UBR3: variants seen among roughly 807,000 people sequenced by gnomAD.
UBR3 encodes the protein ubiquitin protein ligase E3 component n-recognin 3.
A neutral mutation model predicts 243.2 loss-of-function variants in UBR3; 85 were observed. The observed-to-expected ratio is 0.35, with a 90% confidence interval of 0.29 to 0.42. UBR3 has a LOEUF of 0.42. Among genes scored for constraint, UBR3 ranks in the 10% least tolerant of loss-of-function variants. The pLI is 1.00. For synonymous variants in UBR3, 748 were observed against 799.8 expected, an observed-to-expected ratio of 0.94 and a Z score of 1.09; for missense variants, 1,686 against 2,300.8, an observed-to-expected ratio of 0.73 and a Z score of 5.47.
chr2:170,028,923 C>T (rs1156527571), intron 30 of UBR3, among the ~76,000 whole-genome samples: 1 of 151,778 alleles, frequency 6.6e-6, no homozygotes, highest in Non-Finnish European at 1.5e-5. Context: ...ACATACTAGG[C>T]AAAGAAAGAA....
chr2:169,925,794 G>T (rs1326356505), intron 14 of UBR3, 47 bp downstream of exon 14: 4 of 1,448,196 alleles, frequency 2.8e-6, no homozygotes, highest in Admixed American at 2.6e-5. Context: ...TGTCTCATTT[G>T]TACCCAAGGG....
chr2:170,030,005 C>T (rs2090627818), intron 31 of UBR3, among the ~76,000 whole-genome samples: 1 of 152,046 alleles, frequency 6.6e-6, no homozygotes. Flanking sequence ...TATAAATTTT[C>T]AAAGTAAGGA....
chr2:169,875,665 C>T, intron 2 of UBR3, 126 bp from the exon 3 acceptor site: 1 of 976,406 alleles, frequency 1.0e-6, no homozygotes, highest in Non-Finnish European at 1.4e-6. Flanking sequence ...CTTGTATTGA[C>T]TTTTTTGATT....
rs1410618135 is a variant in UBR3 at position 170,080,032 on chromosome 2, T to TA, written c.5409+10dup. On this transcript the variant is annotated intron_variant, in intron 37 of 38. Coordinates refer to ENST00000272793, the MANE Select transcript of UBR3 (RefSeq NM_172070.4). Reference sequence around the variant, plus strand: ...ACTGTGAATGTGTACTGGTAAGCAATAGTAGATAATACAAAATTTATGAAA... The same window carrying TA: ...ACTGTGAATGTGTACTGGTAAGCAATAAGTAGATAATACAAAATTTATGAAA... The TA allele has an allele frequency of 1.2e-6, 2 of 1,600,280 alleles. No individual in the cohort carries two copies. Among genetic ancestry groups the TA allele is most frequent in the South Asian group, 2.3e-5 (2 of 88,074 alleles).
chr2:169,838,206 A>G (rs189756518), intron 1 of UBR3, among the ~76,000 whole-genome samples: 4 of 152,368 alleles, frequency 2.6e-5, no homozygotes, highest in Non-Finnish European at 5.9e-5. Context: ...AAATAGGGAA[A>G]AATGGAAACA....
chr2:169,902,108 T>C (rs1159524026), intron 8 of UBR3, among the ~76,000 whole-genome samples: 1 of 152,230 alleles, frequency 6.6e-6, no homozygotes, highest in Non-Finnish European at 1.5e-5. Context: ...ACTGTCTAAC[T>C]ATCTAAACAG....
chr2:169,925,075 A>G (rs1241460748), intron 13 of UBR3, among the ~76,000 whole-genome samples: 2 of 152,214 alleles, frequency 1.3e-5, no homozygotes, highest in Non-Finnish European at 2.9e-5. Context: ...TTTAGTTGAC[A>G]CTGGACATAA....
At chr2:170,065,935 C>T (rs2091557909) in intron 35 of UBR3, among the ~76,000 whole-genome samples, 1 of 150,650 alleles carries the variant, frequency 6.6e-6, no homozygotes, top group South Asian at 2.1e-4. Flanking sequence ...CCCTACCCCA[C>T]CCCCCGCAAA....
At chr2:169,940,705 G>A (rs969595547) in intron 19 of UBR3, among the ~76,000 whole-genome samples, 1 of 151,950 alleles carries the variant, frequency 6.6e-6, no homozygotes, top group African/African-American at 2.4e-5. Flanking sequence ...TAGATTTGTC[G>A]TTTTCTCTGT....
rs910753002 is a variant in UBR3 at position 169,877,496 on chromosome 2, C to G, written c.847C>G (p.Leu283Val). 1 of 1,526,130 alleles carries G rather than the reference C, an allele frequency of 6.6e-7. No homozygotes were observed. The highest frequency in any genetic ancestry group is 8.8e-7 in the Non-Finnish European group (1 of 1,141,206). 94.5% of individuals were successfully genotyped at this position (1,526,130 alleles called of 1,614,324 possible). A position where few individuals can be genotyped will look rare whatever the true frequency, so the allele number is the denominator to read the frequency against. The change falls in exon 4 of 39, where the codon CTT becomes GTT. Residue 283 changes from leucine to valine, a missense_variant and splice_region_variant. Leu to Val is a conservative substitution (Grantham distance 32). Coordinates refer to ENST00000272793, the MANE Select transcript of UBR3 (RefSeq NM_172070.4). ...QQNYKDLTSGLGENACVKKSH... is the reference protein window; with the variant it reads ...QQNYKDLTSGVGENACVKKSH... ...GATTTGAAGTTTGTTTTAATTAGGT[C>G]TTGGAGAAAATGCTTGTGTAAAGAA...
At chr2:170,028,265 C>T (rs1559199832) in intron 30 of UBR3, among the ~76,000 whole-genome samples, 1 of 151,790 alleles carries the variant, frequency 6.6e-6, no homozygotes. Context: ...CACATACACG[C>T]ATGTACACAT....
intron 17 of UBR3, among the ~76,000 whole-genome samples, chr2:169,928,267 CTT>C (rs1178674019): frequency 6.6e-6 from 1 of 152,000 alleles, no homozygotes; most frequent in Non-Finnish European, 1.5e-5. Context: ...TGGTTTGCCT[CTT>C]TGCTTATATT....
chr2:170,028,510 A>G (rs555436920), intron 30 of UBR3, among the ~76,000 whole-genome samples: 1 of 151,920 alleles, frequency 6.6e-6, no homozygotes, highest in South Asian at 2.1e-4. Flanking sequence ...TTTGTAAAAT[A>G]TGACTTTTGA....
intron 5 of UBR3, among the ~76,000 whole-genome samples, chr2:169,883,009 G>A (rs1296907483): frequency 6.6e-6 from 1 of 152,160 alleles, no homozygotes; most frequent in South Asian, 2.1e-4. Context: ...TTTCTATAAA[G>A]TGGATAAACC....
At position 170,017,918 on chromosome 2, in the gene UBR3, G is replaced by A. The variant is rs376945259; in HGVS notation, c.4453+2552G>A. Among the ~76,000 whole-genome samples the A allele has an allele frequency of 7.3e-4, 111 of 152,290 alleles. 1 individual carries two copies. The South Asian group carries it at 0.022, about 31-fold the overall frequency. On this transcript the variant is annotated intron_variant, in intron 30 of 38. Transcript: ENST00000272793. ...ATTATTTAATCTTTAGAACGACCAT[G>A]TGAAATAGGTGTTATCTCTTTTTCA...
intron 19 of UBR3, among the ~76,000 whole-genome samples, chr2:169,941,696 G>A (rs781380901): frequency 3.2e-4 from 49 of 152,182 alleles, no homozygotes; most frequent in Non-Finnish European, 5.3e-4. Flanking sequence ...TGTATGTGTA[G>A]GAAAACATAG....
chr2:169,883,457 C>T (rs1327058861), intron 5 of UBR3, among the ~76,000 whole-genome samples: 3 of 152,174 alleles, frequency 2.0e-5, no homozygotes, highest in Non-Finnish European at 4.4e-5. Context: ...TTGTTATAAA[C>T]GAGTTGCGAA....
rs924197427 is a variant in UBR3 at position 169,911,233 on chromosome 2, C to T, written c.1780-2827C>T. Reference sequence around the variant, plus strand: ...ACATGTTTCTAGAATTTTACTGATACTTGCTTTCTGAGGAGAAAAATAAGC... The same window carrying T: ...ACATGTTTCTAGAATTTTACTGATATTTGCTTTCTGAGGAGAAAAATAAGC... On this transcript the variant is annotated intron_variant, in intron 10 of 38. Transcript: ENST00000272793. Among the ~76,000 whole-genome samples, 17 of 152,206 alleles carry T rather than the reference C, an allele frequency of 1.1e-4. No homozygotes were observed. In the East Asian group the frequency reaches 3.3e-3, roughly 29 times the overall value.
At chr2:169,930,122 G>T (rs1027546344) in intron 18 of UBR3, among the ~76,000 whole-genome samples, 1 of 152,098 alleles carries the variant, frequency 6.6e-6, no homozygotes, top group African/African-American at 2.4e-5. Context: ...GTGATGTGAC[G>T]ATTACATCTC....
Sources: gnomAD v4.1 joint callset for allele counts (sites outside exome capture counted in the v4.1 genomes callset) on GRCh38, gnomAD v4.1.1 for gene constraint, MANE v1.5 for transcripts, NCBI Gene and HGNC (gene_info 2026-07-23, HGNC 2026-07-21) for gene names.